Variants in IGSF22 observed in about 807,000 individuals in gnomAD.
IGSF22 encodes the protein immunoglobulin superfamily, member 22.
Under a neutral mutation model 127.0 loss-of-function variants are expected in IGSF22, and 119 were observed. That is an observed-to-expected ratio of 0.94 (90% CI 0.81 to 1.09). IGSF22 has a LOEUF of 1.09. Ranked by LOEUF, IGSF22 falls within the 50% of genes least tolerant of loss-of-function variation. The probability of loss-of-function intolerance (pLI) is 0.00; values close to 1 mark genes in which losing one functional copy is unlikely to be tolerated. For missense variants in IGSF22, 1,518 were observed against 1,716.6 expected, an observed-to-expected ratio of 0.88 and a Z score of 2.04; for synonymous variants, 568 against 664.7, an observed-to-expected ratio of 0.85 and a Z score of 2.24.
chr11:18,720,356 A>T, intron 4 of IGSF22, 71 bp from the exon 5 acceptor site: 2 of 1,173,396 alleles, frequency 1.7e-6, no homozygotes, highest in Non-Finnish European at 2.5e-6. Context: ...CAGATAAGGT[A>T]GGAGGCCTTT....
Position 18,714,544 on chromosome 11 carries a change from T to G in IGSF22, c.1612A>C (p.Asn538His). 1.9e-6 allele frequency: 3 copies of G among 1,614,164 alleles called. No individual in the cohort carries two copies. The highest frequency in any genetic ancestry group is 2.5e-6 in the Non-Finnish European group (3 of 1,180,030). ...CACACACCCTCCACCTTCTCGTCAT[T>G]CAGCACTACACACAACTCAGCTGGG... is the stretch of plus-strand genomic sequence containing the variant. Reference protein sequence around the residue: ...GSPAELCVVLNDEKVEGVWLK... With the variant: ...GSPAELCVVLHDEKVEGVWLK... The change falls in exon 12 of 23, where the codon AAT becomes CAT. Residue 538 changes from asparagine (N) to histidine (H), a missense_variant. Physicochemically the swap from Asn to His is moderately conservative, Grantham distance 68 (BLOSUM62 1). Coordinates refer to ENST00000513874, the MANE Select transcript of IGSF22 (RefSeq NM_173588.4).
In IGSF22 at chr11:18,707,679, T is replaced by G; in HGVS notation, c.3280+125A>C. 8.0e-6 allele frequency: 6 copies of G among 749,280 alleles called. No homozygotes were observed. In the South Asian group the frequency reaches 1.1e-4, roughly 14 times the overall value. 46.4% of individuals were successfully genotyped at this position (749,280 alleles called of 1,614,324 possible). A position where few individuals can be genotyped will look rare whatever the true frequency, so the allele number is the denominator to read the frequency against. ...TATGATAAAGTCTTGCTCTGTGGTG[T>G]CAAAGAAATCTTCATGGCCCTAAGG... is the stretch of plus-strand genomic sequence containing the variant. On this transcript the variant is annotated intron_variant, in intron 20 of 22. Transcript: ENST00000513874.
intron 14 of IGSF22, among the ~76,000 whole-genome samples, chr11:18,712,928 G>T (rs1184956264): frequency 1.3e-5 from 2 of 152,112 alleles, no homozygotes; most frequent in Admixed American, 1.3e-4. Flanking sequence ...GTGGCGTGTT[G>T]AATATAAGTA....
rs531635145 is a variant in IGSF22, at chr11:18,709,953, G to A, written c.2702-270C>T. ...CAAAGCTTCTGTATTCAAAACCCCA[G>A]CCTTTAACCCAACCATCTCCACCAC... is the stretch of plus-strand genomic sequence containing the variant. On this transcript the variant is annotated intron_variant, in intron 17 of 22. Coordinates refer to ENST00000513874, the MANE Select transcript of IGSF22 (RefSeq NM_173588.4). The surrounding 1 kb of genome is among the most constrained non-coding windows in gnomAD (Gnocchi z 4.8). Among the ~76,000 whole-genome samples, 46 of 152,146 alleles carry A rather than the reference G, an allele frequency of 3.0e-4. No homozygotes were observed. The highest frequency in any genetic ancestry group is 7.9e-4 in the African/African-American group (33 of 41,514).
At position 18,704,500 on chromosome 11, in the gene IGSF22, T is replaced by C; in HGVS notation, c.3949A>G (p.Ser1317Gly). The C allele has an allele frequency of 1.9e-6, 3 of 1,550,772 alleles. No homozygotes were observed. The highest frequency in any genetic ancestry group is 2.6e-6 in the Non-Finnish European group (3 of 1,146,610). Residue 1317 changes from serine to glycine, a missense_variant, in exon 23 of 23, where the codon AGT (serine) becomes GGT (glycine). By Grantham distance (56) the Ser-to-Gly change is moderately conservative. Transcript: ENST00000513874. ...DKSVVASITE[S>G]LQKKSKHLM ...AGGTGCTTTGATTTCTTCTGCAGAC[T>C]CTCGGTGATGGATGCTACAACTGAC...
chr11:18,718,382 T>A (rs1848501544), intron 8 of IGSF22, among the ~76,000 whole-genome samples: 1 of 152,166 alleles, frequency 6.6e-6, no homozygotes, highest in South Asian at 2.1e-4. Flanking sequence ...AATCTAGCCT[T>A]TCAATTTAAA....
At chr11:18,711,156 C>A (rs1004859417) in intron 15 of IGSF22, among the ~76,000 whole-genome samples, 1 of 151,896 alleles carries the variant, frequency 6.6e-6, no homozygotes. Flanking sequence ...AAAAAAAAAC[C>A]ACTGACAACA....
intron 20 of IGSF22, 48 bp downstream of exon 20, chr11:18,707,756 G>T (rs1323514181): frequency 1.3e-6 from 2 of 1,483,896 alleles, no homozygotes; most frequent in Non-Finnish European, 1.8e-6. Flanking sequence ...CTGTGCTTTG[G>T]AGAGTGTACA....
intron 4 of IGSF22, 52 bp from the exon 5 acceptor site, chr11:18,720,337 A>T: frequency 6.9e-7 from 1 of 1,450,558 alleles, no homozygotes; most frequent in Non-Finnish European, 9.7e-7. Context: ...CCACAGGGAG[A>T]CTTTCTGTCA....
chr11:18,715,657 C>A lies in IGSF22; in HGVS notation c.1306G>T (p.Ala436Ser), dbSNP rs142049851. Residue 436 changes from alanine (A) to serine (S), a missense_variant, in exon 11 of 23, where the codon GCA becomes TCA. Around this residue, in one of 3 missense-constraint regions of IGSF22, gnomAD observed 1,456 missense variants for 1,644.9 expected, o/e 0.89. Coordinates refer to ENST00000513874, the MANE Select transcript of IGSF22 (RefSeq NM_173588.4). ...KNVRVKERSR[A>S]CLECELTSKD... is the part of the protein sequence containing the mutation. ...GATGTCAGCTCACACTCCAGGCATGCGCGACTCCTCTCTTTCACACGTACA... is the reference window on the plus strand; with the variant it reads ...GATGTCAGCTCACACTCCAGGCATGAGCGACTCCTCTCTTTCACACGTACA... The A allele has an allele frequency of 6.2e-7, 1 of 1,613,820 alleles. No individual in the cohort carries two copies. The highest frequency in any genetic ancestry group is 2.2e-5 in the East Asian group (1 of 44,880).
rs140962677 is a variant in IGSF22, at chr11:18,717,994, C to G, written c.910G>C (p.Asp304His). 1 of 1,614,232 alleles carries G rather than the reference C, an allele frequency of 6.2e-7. No homozygotes were observed. Among genetic ancestry groups the G allele is most frequent in the Non-Finnish European group, 8.5e-7 (1 of 1,180,046 alleles). The change falls in exon 9 of 23, where the codon GAT becomes CAT. Residue 304 changes from aspartate to histidine, a missense_variant. This residue lies in a region of IGSF22 where 1,456 missense variants were observed against 1,644.9 expected (regional missense o/e 0.89). Transcript: ENST00000513874. ...ACGGACAGGCTGTAGATGCCAGCAT[C>G]GTTCATGTTCACGTTGCTAATAACC... ...MLVISNVNMN[D>H]AGIYSLSVGD...
At chr11:18,719,151 T>C (rs1242475411) in intron 7 of IGSF22, among the ~76,000 whole-genome samples, 1 of 152,172 alleles carries the variant, frequency 6.6e-6, no homozygotes, top group African/African-American at 2.4e-5. Flanking sequence ...GATTTGTTTG[T>C]TTGTTTGTTT....
chr11:18,721,750 T>G, intron 3 of IGSF22, 79 bp from the exon 4 acceptor site: 1 of 1,599,454 alleles, frequency 6.3e-7, no homozygotes, highest in African/African-American at 1.3e-5. Flanking sequence ...GCTCTCTGCC[T>G]CCTCCCAGAC....
At chr11:18,712,805 G>GTCTC (rs1848382551) in intron 14 of IGSF22, among the ~76,000 whole-genome samples, 2 of 152,212 alleles carry the variant, frequency 1.3e-5, no homozygotes, top group East Asian at 3.8e-4. Context: ...GTACACAGCA[G>GTCTC]TGAGAACACA....
chr11:18,720,527 C>T (rs1189732232), intron 4 of IGSF22, among the ~76,000 whole-genome samples: 1 of 152,166 alleles, frequency 6.6e-6, no homozygotes, highest in Non-Finnish European at 1.5e-5. Context: ...TCGGACTCTC[C>T]CCCTTGGCTG....
At chr11:18,711,373 T>C (rs1171809040) in intron 15 of IGSF22, among the ~76,000 whole-genome samples, 2 of 152,170 alleles carry the variant, frequency 1.3e-5, no homozygotes, top group African/African-American at 4.8e-5. Flanking sequence ...GGGAGAGGTA[T>C]AGCAAGTAAT....
In IGSF22 at chr11:18,720,186, C is replaced by G; in HGVS notation, c.478G>C (p.Gly160Arg). The change falls in exon 5 of 23, where the codon GGT becomes CGT. Residue 160 changes from glycine (G) to arginine (R), a missense_variant and splice_region_variant. Around this residue, in one of 3 missense-constraint regions of IGSF22, gnomAD observed 1,456 missense variants for 1,644.9 expected, o/e 0.89. Transcript: ENST00000513874. Reference protein sequence around the residue: ...IYTVSLLVTEGQEKMDFKKML... With the variant: ...IYTVSLLVTERQEKMDFKKML... Reference sequence around the variant, plus strand: ...GGCCAAGAGGAAGGGGCCAACTCACCTTCTGTTACCAGCAGAGATACGGTA... The same window carrying G: ...GGCCAAGAGGAAGGGGCCAACTCACGTTCTGTTACCAGCAGAGATACGGTA... 1 of 1,614,122 alleles carries G rather than the reference C, an allele frequency of 6.2e-7. No homozygotes were observed. The highest frequency in any genetic ancestry group is 8.5e-7 in the Non-Finnish European group (1 of 1,179,968).
rs1564875643 is a variant in IGSF22, at chr11:18,719,901, A to G, written c.519-8T>C. ...TTGGGAGCAGGGGGTGCCCTAGGAG[A>G]AGGAGGAAGGGACTAAGCTTGTACA... On this transcript the variant is annotated splice_region_variant and splice_polypyrimidine_tract_variant and intron_variant, in intron 6 of 22. Coordinates refer to ENST00000513874, the MANE Select transcript of IGSF22 (RefSeq NM_173588.4). 1.2e-6 allele frequency: 2 copies of G among 1,613,932 alleles called. No homozygotes were observed. Among genetic ancestry groups the G allele is most frequent in the Non-Finnish European group, 8.5e-7 (1 of 1,179,938 alleles).
chr11:18,707,680 C>T, intron 20 of IGSF22, 124 bp downstream of exon 20: 1 of 767,324 alleles, frequency 1.3e-6, no homozygotes, highest in Non-Finnish European at 2.1e-6. Context: ...TCTGTGGTGT[C>T]AAAGAAATCT....
Sources: allele counts gnomAD v4.1 joint callset (sites outside exome capture counted in the v4.1 genomes callset), GRCh38; gene constraint gnomAD v4.1.1; regional missense constraint gnomAD v4.1.1; non-coding constraint Gnocchi (gnomAD v3.1); transcripts MANE v1.5; gene names NCBI Gene and HGNC (gene_info 2026-07-23, HGNC 2026-07-21).